Variants in GAP43 observed in about 807,000 individuals in gnomAD.
The protein encoded by GAP43 is neuromodulin.
In GAP43, 6 loss-of-function variants were observed where a neutral mutation model predicts 18.6. The observed-to-expected ratio is 0.32, with a 90% CI of 0.18 to 0.64. The LOEUF (loss-of-function observed/expected upper bound fraction) is 0.64, where lower values mean the gene tolerates loss of function less well. Among genes scored for constraint, GAP43 ranks in the 30% least tolerant of loss-of-function variants. The pLI, the probability that GAP43 is intolerant of heterozygous loss-of-function variation, is 0.78. For synonymous variants in GAP43, 115 were observed against 111.4 expected, an observed-to-expected ratio of 1.03 and a Z score of -0.20; for missense variants, 292 against 295.5, an observed-to-expected ratio of 0.99 and a Z score of 0.09.
At chr3:115,670,473 T>C (rs1034270471) in intron 1 of GAP43, among the ~76,000 whole-genome samples, 11 of 152,154 alleles carry the variant, frequency 7.2e-5, no homozygotes, top group Non-Finnish European at 2.9e-5. Flanking sequence ...ATTCCATCTA[T>C]AGAACTGGAG....
chr3:115,719,456 C>G lies in GAP43; in HGVS notation c.629-1338C>G, dbSNP rs117811705. Among the ~76,000 whole-genome samples, 13 of 152,280 alleles carry G rather than the reference C, an allele frequency of 8.5e-5. 1 individual carries two copies. The East Asian group carries it at 2.5e-3, about 29-fold the overall frequency. On this transcript the variant is annotated intron_variant, in intron 2 of 2. Transcript: ENST00000305124. ...AAACAATGTGGTTTATGCTGAACAT[C>G]TATTTTTCTTCTGGGAGTCTGAATT...
intron 1 of GAP43, chr3:115,663,804 G>A (rs1431242954): frequency 1.5e-5 from 23 of 1,551,746 alleles, no homozygotes; most frequent in South Asian, 1.1e-4. Flanking sequence ...TCTGAATTAT[G>A]CCACCCCGCA....
intron 1 of GAP43, among the ~76,000 whole-genome samples, chr3:115,656,414 C>A (rs1708582405): frequency 6.6e-6 from 1 of 152,184 alleles, no homozygotes; most frequent in Non-Finnish European, 1.5e-5. Flanking sequence ...TACTAACATG[C>A]AGTTTGGGCT....
intron 1 of GAP43, among the ~76,000 whole-genome samples, chr3:115,654,206 C>G (rs1708554567): frequency 6.6e-6 from 1 of 152,170 alleles, no homozygotes. Context: ...AACAGAATTG[C>G]CTGGTGCTCA....
At chr3:115,672,633 T>C (rs1195526242) in intron 1 of GAP43, among the ~76,000 whole-genome samples, 1 of 152,096 alleles carries the variant, frequency 6.6e-6, no homozygotes, top group African/African-American at 2.4e-5. Context: ...TTTATGGATG[T>C]CTCTATTCAA....
At chr3:115,633,492 A>G (rs1708289645) in intron 1 of GAP43, among the ~76,000 whole-genome samples, 1 of 152,124 alleles carries the variant, frequency 6.6e-6, no homozygotes, top group Non-Finnish European at 1.5e-5. Flanking sequence ...GTCAGAAGGA[A>G]CTTATCTCAA....
At chr3:115,713,709 T>C (rs77181820) in intron 2 of GAP43, among the ~76,000 whole-genome samples, 1,675 of 152,302 alleles carry the variant, frequency 0.011, 32 homozygotes, top group African/African-American at 0.039. Context: ...CATACATCTT[T>C]CAAGGACCAC....
chr3:115,720,008 T>A (rs1709556921), intron 2 of GAP43, among the ~76,000 whole-genome samples: 1 of 152,212 alleles, frequency 6.6e-6, no homozygotes, highest in Non-Finnish European at 1.5e-5. Flanking sequence ...TCCCTGTGGA[T>A]AAGTGTATTC....
intron 1 of GAP43, among the ~76,000 whole-genome samples, chr3:115,626,114 T>C (rs1708184357): frequency 6.6e-6 from 1 of 152,224 alleles, no homozygotes; most frequent in South Asian, 2.1e-4. Context: ...TTATGTAGCA[T>C]GAGTACTTAA....
chr3:115,697,878 A>T (rs1233658486), intron 2 of GAP43, among the ~76,000 whole-genome samples: 4 of 149,768 alleles, frequency 2.7e-5, no homozygotes, highest in African/African-American at 9.9e-5. Flanking sequence ...GTAGTATGTT[A>T]AATTTGCTTA....
intron 1 of GAP43, among the ~76,000 whole-genome samples, chr3:115,632,758 C>T (rs1387143995): frequency 6.6e-6 from 1 of 152,066 alleles, no homozygotes; most frequent in African/African-American, 2.4e-5. Context: ...ATACAAAGGG[C>T]TCATGTAGAC....
intron 1 of GAP43, among the ~76,000 whole-genome samples, chr3:115,660,921 C>T (rs1026100172): frequency 2.6e-5 from 4 of 152,154 alleles, no homozygotes; most frequent in African/African-American, 9.7e-5. Flanking sequence ...GTTTCTGTTG[C>T]CAGGTCACTG....
chr3:115,658,777 T>C (rs934200166), intron 1 of GAP43: 3 of 152,242 alleles, frequency 2.0e-5, no homozygotes, highest in Non-Finnish European at 2.9e-5. Context: ...TGGGAGATAA[T>C]TGCTTCTTTC....
At chr3:115,693,425 A>G (rs1186325778) in intron 2 of GAP43, among the ~76,000 whole-genome samples, 1 of 152,126 alleles carries the variant, frequency 6.6e-6, no homozygotes, top group East Asian at 1.9e-4. Flanking sequence ...CCGTCTTGCT[A>G]GAGAACAATA....
At chr3:115,692,908 C>T (rs564613038) in intron 2 of GAP43, among the ~76,000 whole-genome samples, 51 of 152,184 alleles carry the variant, frequency 3.4e-4, no homozygotes, top group Middle Eastern at 6.8e-3. Context: ...TGGTCATATT[C>T]GAAGGACCAA....
chr3:115,638,990 A>C (rs1291306837), intron 1 of GAP43, among the ~76,000 whole-genome samples: 1 of 152,074 alleles, frequency 6.6e-6, no homozygotes, highest in Non-Finnish European at 1.5e-5. Flanking sequence ...ATGTCCATGT[A>C]TAGATCTAGT....
At chr3:115,634,734 C>T (rs903392054) in intron 1 of GAP43, among the ~76,000 whole-genome samples, 1 of 152,070 alleles carries the variant, frequency 6.6e-6, no homozygotes, top group Admixed American at 6.6e-5. Flanking sequence ...CACACCACTG[C>T]ACTCCAGCCT....
chr3:115,681,696 G>C (rs924308353), intron 2 of GAP43, among the ~76,000 whole-genome samples: 5 of 152,184 alleles, frequency 3.3e-5, no homozygotes, highest in African/African-American at 1.2e-4. Flanking sequence ...TCTAATAATA[G>C]GTAGCACTTA....
intron 2 of GAP43, among the ~76,000 whole-genome samples, chr3:115,687,837 C>A (rs2107356292): frequency 6.6e-6 from 1 of 152,220 alleles, no homozygotes; most frequent in African/African-American, 2.4e-5. Flanking sequence ...GATTAAAACT[C>A]AACATAATTC....
Sources: allele counts gnomAD v4.1 joint callset (sites outside exome capture counted in the v4.1 genomes callset), GRCh38; gene constraint gnomAD v4.1.1; transcripts MANE v1.5; gene names NCBI Gene and HGNC (gene_info 2026-07-23, HGNC 2026-07-21).